C1orf105: variants seen among roughly 807,000 people sequenced by gnomAD.
C1orf105 encodes the protein uncharacterized protein C1orf105.
Under a neutral mutation model 20.8 loss-of-function variants are expected in C1orf105, and 17 were observed. The observed-to-expected ratio is 0.82, with a 90% confidence interval of 0.56 to 1.23. The LOEUF (loss-of-function observed/expected upper bound fraction) is 1.23, where lower values mean the gene tolerates loss of function less well. C1orf105 is among the 50% of genes most tolerant of loss of function. The probability of loss-of-function intolerance (pLI) is 0.00; values close to 1 mark genes in which losing one functional copy is unlikely to be tolerated. For missense variants in C1orf105, 219 were observed against 213.5 expected, an observed-to-expected ratio of 1.03 and a Z score of -0.16; for synonymous variants, 72 against 72.1, an observed-to-expected ratio of 1.00 and a Z score of 0.01.
At chr1:172,439,223 T>C (rs925265891) in intron 1 of C1orf105, among the ~76,000 whole-genome samples, 5 of 152,220 alleles carry the variant, frequency 3.3e-5, no homozygotes, top group Non-Finnish European at 5.9e-5. Flanking sequence ...TACACACTTA[T>C]ATATGATTTA....
At chr1:172,435,005 G>A (rs539126730) in intron 1 of C1orf105, among the ~76,000 whole-genome samples, 4 of 152,260 alleles carry the variant, frequency 2.6e-5, no homozygotes, top group South Asian at 2.1e-4. Flanking sequence ...AGAAGAAATG[G>A]ATAAATTCCT....
intron 1 of C1orf105, among the ~76,000 whole-genome samples, chr1:172,423,179 C>A (rs150244414): frequency 1.3e-5 from 2 of 152,304 alleles, no homozygotes; most frequent in East Asian, 1.9e-4. Flanking sequence ...TTGGGCAAGA[C>A]CCAGTGCTAT....
At chr1:172,438,759 T>C (rs780038499) in intron 1 of C1orf105, among the ~76,000 whole-genome samples, 1 of 152,202 alleles carries the variant, frequency 6.6e-6, no homozygotes, top group Non-Finnish European at 1.5e-5. Flanking sequence ...GAGAAATCTT[T>C]CTTGAAAGGA....
intron 2 of C1orf105, among the ~76,000 whole-genome samples, chr1:172,447,124 G>A (rs190703533): frequency 1.6e-4 from 24 of 152,254 alleles, no homozygotes; most frequent in African/African-American, 5.5e-4. Flanking sequence ...CCAAAGCTCC[G>A]GGTTCCAAGC....
intron 4 of C1orf105, among the ~76,000 whole-genome samples, chr1:172,460,211 G>A (rs1453958714): frequency 1.3e-5 from 2 of 152,096 alleles, no homozygotes; most frequent in Admixed American, 6.6e-5. Context: ...CATAAACACC[G>A]ATAAAAAGAA....
At chr1:172,430,448 T>C (rs533548633) in intron 1 of C1orf105, 1 of 595,698 alleles carries the variant, frequency 1.7e-6, no homozygotes, top group Non-Finnish European at 3.0e-6. Flanking sequence ...AAACCTTTTT[T>C]TATTTATTTT....
At chr1:172,425,032 T>C (rs1271531585) in intron 1 of C1orf105, among the ~76,000 whole-genome samples, 3 of 152,154 alleles carry the variant, frequency 2.0e-5, no homozygotes, top group African/African-American at 4.8e-5. Flanking sequence ...ACCTCAGCAT[T>C]GGTAAAATCA....
rs377228396 is a variant in C1orf105 at position 172,435,398 on chromosome 1, C to T, written c.22-9675C>T. Among the ~76,000 whole-genome samples, 12 of 152,224 alleles carry T rather than the reference C, an allele frequency of 7.9e-5. No individual in the cohort carries two copies. The East Asian group carries it at 1.9e-3, about 24-fold the overall frequency. On this transcript the variant is annotated intron_variant, in intron 1 of 6. Coordinates refer to ENST00000367727, the MANE Select transcript of C1orf105 (RefSeq NM_139240.4). ...AGCCCATCAAAAAGCTTATCCACCA[C>T]GATCAAGTTGGCTTCATCCCTGGGA...
chr1:172,445,230 G>A, intron 2 of C1orf105, 72 bp downstream of exon 2: 1 of 1,233,974 alleles, frequency 8.1e-7, no homozygotes, highest in Non-Finnish European at 1.2e-6. Context: ...CTTAAGGGAT[G>A]GGGACAATTA....
rs559972930 is a variant in C1orf105 at position 172,462,834 on chromosome 1, G to A, written c.341+589G>A. Among the ~76,000 whole-genome samples the A allele has an allele frequency of 1.1e-4, 16 of 152,132 alleles. No homozygotes were observed. In the South Asian group the frequency reaches 1.2e-3, roughly 12 times the overall value. ...GTTGCCCAGGCTGCAGTGCAGTGGC[G>A]CAATCTTGGCTCACTGCAACCTCCA... On this transcript the variant is annotated intron_variant, in intron 5 of 6. Coordinates refer to ENST00000367727, the MANE Select transcript of C1orf105 (RefSeq NM_139240.4).
At chr1:172,456,524 A>G in intron 4 of C1orf105, 35 bp downstream of exon 4, 1 of 1,592,306 alleles carries the variant, frequency 6.3e-7, no homozygotes, top group Non-Finnish European at 8.6e-7. Flanking sequence ...GGGCACAGGC[A>G]TCTCAGGGTG....
intron 1 of C1orf105, chr1:172,441,608 G>T (rs1647313103): frequency 2.0e-5 from 18 of 911,756 alleles, no homozygotes; most frequent in African/African-American, 5.0e-5. Flanking sequence ...TTTTGGTTTT[G>T]ATCTCTATTC....
At position 172,431,929 on chromosome 1, in the gene C1orf105, G is replaced by A. The variant is rs148568334; in HGVS notation, c.21+11023G>A. Among the ~76,000 whole-genome samples the A allele has an allele frequency of 2.7e-3, 409 of 152,382 alleles. 2 individuals are homozygous for A. The highest frequency in any genetic ancestry group is 9.1e-3 in the African/African-American group (377 of 41,586). ...CAAGGTCTTAGCAACCGGCAGACAA[G>A]GAGATTCTCTCTCGTGCTTGGCTTG... On this transcript the variant is annotated intron_variant, in intron 1 of 6. Coordinates refer to ENST00000367727, the MANE Select transcript of C1orf105 (RefSeq NM_139240.4).
intron 1 of C1orf105, among the ~76,000 whole-genome samples, chr1:172,430,830 CTTTG>C (rs1469773135): frequency 1.6e-4 from 25 of 151,884 alleles, no homozygotes; most frequent in Non-Finnish European, 3.5e-4. Flanking sequence ...CATGTGCTCA[CTTTG>C]TGTTCCTGTG....
chr1:172,443,917 C>T, intron 1 of C1orf105: 1 of 980,728 alleles, frequency 1.0e-6, no homozygotes, highest in Non-Finnish European at 1.2e-6. Flanking sequence ...CTCACTCAGC[C>T]TTGGGTCTGC....
intron 3 of C1orf105, chr1:172,453,175 G>C: frequency 6.4e-7 from 1 of 1,551,060 alleles, no homozygotes. Flanking sequence ...GGCTTCAGCT[G>C]ATAGCAAGTC....
At chr1:172,426,227 G>A (rs974055021) in intron 1 of C1orf105, among the ~76,000 whole-genome samples, 7 of 152,174 alleles carry the variant, frequency 4.6e-5, no homozygotes, top group Non-Finnish European at 8.8e-5. Flanking sequence ...AAAGGTGGCA[G>A]CTTGTCTCCC....
chr1:172,442,839 A>T (rs1476834419), intron 1 of C1orf105: 2 of 529,166 alleles, frequency 3.8e-6, no homozygotes, highest in Non-Finnish European at 6.9e-6. Context: ...TCCTAGAAAA[A>T]GAGAGACTGT....
At chr1:172,437,600 G>A (rs1365826664) in intron 1 of C1orf105, among the ~76,000 whole-genome samples, 2 of 104,536 alleles carry the variant, frequency 1.9e-5, no homozygotes, top group African/African-American at 3.6e-5. Flanking sequence ...GGGGGGAGGG[G>A]GGAGGGATAG....
Sources: gnomAD v4.1 joint callset for allele counts (sites outside exome capture counted in the v4.1 genomes callset) on GRCh38, gnomAD v4.1.1 for gene constraint, MANE v1.5 for transcripts, NCBI Gene and HGNC (gene_info 2026-07-23, HGNC 2026-07-21) for gene names.